The following NRXN3 variants were observed in gnomAD, a reference collection of about 807,000 sequenced individuals.
NRXN3 encodes neurexin 3.
In NRXN3, 32 loss-of-function variants were observed where a neutral mutation model predicts 137.6. That is an observed-to-expected ratio of 0.23 (90% confidence interval 0.18 to 0.31). The LOEUF (loss-of-function observed/expected upper bound fraction) is 0.31, where lower values mean the gene tolerates loss of function less well. Ranked by LOEUF, NRXN3 falls within the 10% of genes least tolerant of loss-of-function variation. The probability of loss-of-function intolerance (pLI) is 1.00; values close to 1 mark genes in which losing one functional copy is unlikely to be tolerated. For synonymous variants in NRXN3, 798 were observed against 784.5 expected, an observed-to-expected ratio of 1.02 and a Z score of -0.29; for missense variants, 1,574 against 2,062.5, an observed-to-expected ratio of 0.76 and a Z score of 4.59.
At chr14:79,525,756 A>C (rs966830144) in intron 16 of NRXN3, among the ~76,000 whole-genome samples, 3 of 152,238 alleles carry the variant, frequency 2.0e-5, no homozygotes, top group Non-Finnish European at 2.9e-5. Flanking sequence ...TCTCTGTCTT[A>C]TGTTCACTAT....
rs1007178479 is a variant in NRXN3 at position 78,983,880 on chromosome 14, A to G, written c.3143-4142A>G. Among the ~76,000 whole-genome samples, 3 of 151,814 alleles carry G rather than the reference A, an allele frequency of 2.0e-5. No individual in the cohort carries two copies. The South Asian group carries it at 6.2e-4, about 32-fold the overall frequency. On this transcript the variant is annotated intron_variant, in intron 14 of 20. Transcript: ENST00000335750. ...AAAAAAAAAAAAAAAAAAGAAAAAA[A>G]AAGAAAAAAAGGCTGGAAATTCTCT...
At chr14:78,569,561 G>A (rs898678680) in intron 4 of NRXN3, among the ~76,000 whole-genome samples, 9 of 147,694 alleles carry the variant, frequency 6.1e-5, no homozygotes, top group Non-Finnish European at 1.3e-4. Flanking sequence ...CACCGCGTCC[G>A]GCCGCCTTTT....
intron 4 of NRXN3, among the ~76,000 whole-genome samples, chr14:78,397,723 C>T (rs1340681104): frequency 6.6e-6 from 1 of 151,714 alleles, no homozygotes; most frequent in African/African-American, 2.4e-5. Context: ...CCTGCCTCAG[C>T]CTCCCAAGTA....
intron 4 of NRXN3, among the ~76,000 whole-genome samples, chr14:78,534,897 T>C (rs1362191920): frequency 6.6e-6 from 1 of 152,240 alleles, no homozygotes; most frequent in Non-Finnish European, 1.5e-5. Flanking sequence ...TTAGTGATAA[T>C]AGTTGTTTGT....
intron 8 of NRXN3, among the ~76,000 whole-genome samples, chr14:78,726,033 C>T (rs1234294905): frequency 6.6e-6 from 1 of 152,184 alleles, no homozygotes; most frequent in East Asian, 1.9e-4. Flanking sequence ...CCTGAGTCCT[C>T]TCTTCTGTGA....
chr14:78,461,181 A>G (rs761566501), intron 4 of NRXN3, among the ~76,000 whole-genome samples: 2 of 152,196 alleles, frequency 1.3e-5, no homozygotes, highest in Non-Finnish European at 2.9e-5. Context: ...ATGTGTGTGC[A>G]TGTGTTCGCA....
intron 15 of NRXN3, among the ~76,000 whole-genome samples, chr14:79,232,211 G>A (rs2072343698): frequency 1.3e-5 from 2 of 152,048 alleles, no homozygotes; most frequent in Admixed American, 1.3e-4. Context: ...TCATCCCATG[G>A]CATCTGGAAT....
At chr14:79,409,454 GTATACA>G (rs1362265879) in intron 15 of NRXN3, among the ~76,000 whole-genome samples, 1 of 149,604 alleles carries the variant, frequency 6.7e-6, no homozygotes, top group Non-Finnish European at 1.5e-5. Flanking sequence ...GTAGGTATAT[GTATACA>G]TATACATATA....
chr14:78,504,208 G>A (rs1267852838), intron 4 of NRXN3, among the ~76,000 whole-genome samples: 1 of 152,212 alleles, frequency 6.6e-6, no homozygotes, highest in Non-Finnish European at 1.5e-5. Context: ...TATGGGGTCA[G>A]AAAGGGAAAC....
At chr14:79,263,475 A>G (rs2077953568) in intron 15 of NRXN3, among the ~76,000 whole-genome samples, 1 of 152,204 alleles carries the variant, frequency 6.6e-6, no homozygotes, top group Non-Finnish European at 1.5e-5. Context: ...ATTAGTAACC[A>G]GAGACAAGCA....
intron 4 of NRXN3, among the ~76,000 whole-genome samples, chr14:78,565,052 C>A (rs2096824648): frequency 6.6e-6 from 1 of 152,220 alleles, no homozygotes; most frequent in African/African-American, 2.4e-5. Flanking sequence ...GTTGTCTATA[C>A]AACTACATTA....
At chr14:79,354,409 AT>A (rs1223486692) in intron 15 of NRXN3, among the ~76,000 whole-genome samples, 4 of 152,168 alleles carry the variant, frequency 2.6e-5, no homozygotes, top group Admixed American at 6.5e-5. Flanking sequence ...AAAAATAAAC[AT>A]TTTTTAAAAA....
At chr14:79,382,845 T>A (rs1266369976) in intron 15 of NRXN3, among the ~76,000 whole-genome samples, 1 of 152,150 alleles carries the variant, frequency 6.6e-6, no homozygotes, top group South Asian at 2.1e-4. Context: ...AACTTTACGA[T>A]TGACTTTCCT....
At chr14:78,441,088 G>A (rs1466551453) in intron 4 of NRXN3, among the ~76,000 whole-genome samples, 3 of 152,108 alleles carry the variant, frequency 2.0e-5, no homozygotes, top group Non-Finnish European at 1.5e-5. Flanking sequence ...ACAGTCAGGG[G>A]CAGAATTACC....
intron 4 of NRXN3, among the ~76,000 whole-genome samples, chr14:78,608,822 G>A (rs1308197108): frequency 6.6e-6 from 1 of 152,184 alleles, no homozygotes; most frequent in Non-Finnish European, 1.5e-5. Context: ...ACTCAGAGAA[G>A]GGGTATCTGA....
chr14:79,308,071 A>G (rs1471871813), intron 15 of NRXN3, among the ~76,000 whole-genome samples: 1 of 152,038 alleles, frequency 6.6e-6, no homozygotes, highest in East Asian at 1.9e-4. Context: ...ATATAAGGAT[A>G]CTAGTCATGA....
chr14:78,458,974 A>G (rs2094837896), intron 4 of NRXN3, among the ~76,000 whole-genome samples: 1 of 152,212 alleles, frequency 6.6e-6, no homozygotes, highest in Non-Finnish European at 1.5e-5. Flanking sequence ...CAATGATGCC[A>G]CCTGGGCACT....
chr14:78,635,417 A>G lies in NRXN3; in HGVS notation c.758-9703A>G, dbSNP rs146873422. 8.9e-3 allele frequency among the ~76,000 whole-genome samples: 1,358 copies of G among 152,332 alleles called. 20 individuals are homozygous for G. The highest frequency in any genetic ancestry group is 0.031 in the African/African-American group (1,273 of 41,570). On this transcript the variant is annotated intron_variant, in intron 4 of 20. Coordinates refer to ENST00000335750, the MANE Select transcript of NRXN3 (RefSeq NM_001330195.2). ...ACATGTATGTGTGAATATAGTGAGT[A>G]TCTAATTTTGGTAGCAATTAGTGTT...
chr14:79,200,150 G>T (rs954957039), intron 15 of NRXN3: 1 of 152,162 alleles, frequency 6.6e-6, no homozygotes, highest in East Asian at 1.9e-4. Flanking sequence ...CAGTTCTGAA[G>T]GTGAGAGTTT....
Sources: gnomAD v4.1 joint callset for allele counts (sites outside exome capture counted in the v4.1 genomes callset) on GRCh38, gnomAD v4.1.1 for gene constraint, MANE v1.5 for transcripts, NCBI Gene and HGNC (gene_info 2026-07-23, HGNC 2026-07-21) for gene names.